ZFHX3: variants seen among roughly 807,000 people sequenced by gnomAD.
The protein encoded by ZFHX3 is zinc finger homeobox 3.
Under a neutral mutation model 279.1 loss-of-function variants are expected in ZFHX3, and 42 were observed. That is an observed-to-expected ratio of 0.15 (90% CI 0.12 to 0.19). The LOEUF (loss-of-function observed/expected upper bound fraction) is 0.19, where lower values mean the gene tolerates loss of function less well. ZFHX3 is among the 10% of genes least tolerant of loss of function. The pLI is 1.00. For synonymous variants in ZFHX3, 2,293 were observed against 1,957.8 expected (o/e 1.17, Z -4.52); for missense variants, 4,981 against 4,754.0 (o/e 1.05, Z -1.40).
chr16:73,831,855 A>C (rs531298884), intron 1 of ZFHX3, among the ~76,000 whole-genome samples: 2 of 152,192 alleles, frequency 1.3e-5, no homozygotes, highest in African/African-American at 4.8e-5. Context: ...ATTTGTCCCA[A>C]TCTGGCCAGG....
chr16:73,496,654 C>T (rs1363132856), intron 2 of ZFHX3, among the ~76,000 whole-genome samples: 1 of 152,242 alleles, frequency 6.6e-6, no homozygotes, highest in Non-Finnish European at 1.5e-5. Flanking sequence ...TTGGACTCTG[C>T]TCTCAGATTC....
At chr16:73,160,860 G>C (rs1967218007) in intron 5 of ZFHX3, among the ~76,000 whole-genome samples, 1 of 148,322 alleles carries the variant, frequency 6.7e-6, no homozygotes, top group Non-Finnish European at 1.5e-5. Context: ...ACACTGCTGT[G>C]GTGGTAAAAA....
chr16:73,156,386 A>C (rs1202176481), intron 5 of ZFHX3, among the ~76,000 whole-genome samples: 1 of 152,178 alleles, frequency 6.6e-6, no homozygotes, highest in South Asian at 2.1e-4. Flanking sequence ...TTTTTAAAAA[A>C]GATGATCATT....
At chr16:73,416,820 G>C (rs980294075) in intron 3 of ZFHX3, among the ~76,000 whole-genome samples, 9 of 149,210 alleles carry the variant, frequency 6.0e-5, no homozygotes, top group Non-Finnish European at 4.5e-5. Context: ...CCTGCAGTGA[G>C]CCGAGATCGC....
intron 3 of ZFHX3, among the ~76,000 whole-genome samples, chr16:73,319,317 T>A (rs560201158): frequency 1.3e-5 from 2 of 151,996 alleles, no homozygotes; most frequent in Non-Finnish European, 2.9e-5. Flanking sequence ...TGTCCCTTTA[T>A]CATTTTATCC....
intron 4 of ZFHX3, among the ~76,000 whole-genome samples, chr16:73,283,417 C>G (rs919894357): frequency 2.0e-5 from 3 of 152,190 alleles, no homozygotes; most frequent in Non-Finnish European, 4.4e-5. Flanking sequence ...TTGGCCTCTC[C>G]TGGCCATGAT....
chr16:72,937,793 A>G (rs529382655), intron 3 of ZFHX3, among the ~76,000 whole-genome samples: 39 of 152,304 alleles, frequency 2.6e-4, no homozygotes, highest in Admixed American at 2.2e-3. Context: ...TCTGCCTCCA[A>G]GAGCCTTTTT....
At chr16:72,984,072 A>C (rs1374713284) in intron 1 of ZFHX3, among the ~76,000 whole-genome samples, 1 of 152,126 alleles carries the variant, frequency 6.6e-6, no homozygotes, top group African/African-American at 2.4e-5. Context: ...CTTCTTGCCT[A>C]TACCTGCTCA....
chr16:73,026,686 A>C (rs1170723546), intron 1 of ZFHX3, among the ~76,000 whole-genome samples: 1 of 151,732 alleles, frequency 6.6e-6, no homozygotes, highest in Non-Finnish European at 1.5e-5. Flanking sequence ...AAAAAAAAAA[A>C]AAAAAAAAAC....
chr16:73,839,165 T>C (rs1185386530), intron 1 of ZFHX3, among the ~76,000 whole-genome samples: 1 of 151,682 alleles, frequency 6.6e-6, no homozygotes. Flanking sequence ...GCACACATCC[T>C]GGTGAACATG....
chr16:73,454,946 G>A (rs902807679), intron 3 of ZFHX3, among the ~76,000 whole-genome samples: 3 of 151,432 alleles, frequency 2.0e-5, no homozygotes, highest in Non-Finnish European at 4.4e-5. Context: ...CCTGGGCTTT[G>A]ATTTATCTTC....
chr16:72,810,331 A>T (rs1380366933), intron 7 of ZFHX3, among the ~76,000 whole-genome samples: 4 of 152,016 alleles, frequency 2.6e-5, no homozygotes, highest in African/African-American at 9.7e-5. Flanking sequence ...GATTACAGGA[A>T]CCCACCACCA....
intron 8 of ZFHX3, among the ~76,000 whole-genome samples, chr16:73,075,833 T>C (rs1965882362): frequency 6.6e-6 from 1 of 152,120 alleles, no homozygotes. Context: ...AGGGTTTCAC[T>C]GTTGGCCAGG....
At chr16:73,231,476 G>C (rs913903411) in intron 5 of ZFHX3, among the ~76,000 whole-genome samples, 2 of 152,214 alleles carry the variant, frequency 1.3e-5, no homozygotes, top group African/African-American at 4.8e-5. Context: ...TAGCAGCTGA[G>C]AGGGAACGCT....
intron 4 of ZFHX3, among the ~76,000 whole-genome samples, chr16:73,291,317 G>A (rs1417138881): frequency 6.6e-6 from 1 of 152,154 alleles, no homozygotes; most frequent in Admixed American, 6.5e-5. Context: ...CATCATCAAA[G>A]GGAAGGCAGG....
intron 8 of ZFHX3, chr16:73,083,243 T>TAGAG (rs776828563): frequency 6.6e-6 from 1 of 152,232 alleles, no homozygotes; most frequent in Non-Finnish European, 1.5e-5. Flanking sequence ...CTTACCTTAG[T>TAGAG]AGAGCCATCT....
At chr16:73,298,688 G>A (rs1048505673) in intron 4 of ZFHX3, among the ~76,000 whole-genome samples, 4 of 152,156 alleles carry the variant, frequency 2.6e-5, no homozygotes, top group Non-Finnish European at 5.9e-5. Flanking sequence ...GCTCAGCAAT[G>A]CGAACTGATG....
rs553006976 is a variant in ZFHX3, at chr16:73,636,847, C to T, written c.-1547+43333G>A. On this transcript the variant is annotated intron_variant, in intron 2 of 17. Transcript: ENST00000641206. ...CAATTTCATGTAAATTAATCTATAA[C>T]TTTAGTATCACTACAATAAAAATCT... Among the ~76,000 whole-genome samples, 11 of 152,154 alleles carry T rather than the reference C, an allele frequency of 7.2e-5. No individual in the cohort carries two copies. The East Asian group carries it at 2.1e-3, about 29-fold the overall frequency.
chr16:73,074,120 C>A (rs540565857), intron 8 of ZFHX3, among the ~76,000 whole-genome samples: 1 of 152,320 alleles, frequency 6.6e-6, no homozygotes, highest in African/African-American at 2.4e-5. Context: ...TCATACAAAG[C>A]AACCAACCCA....
Sources: allele counts gnomAD v4.1 joint callset (sites outside exome capture counted in the v4.1 genomes callset), GRCh38; gene constraint gnomAD v4.1.1; transcripts MANE v1.5; gene names NCBI Gene and HGNC (gene_info 2026-07-23, HGNC 2026-07-21).